Variants in DNAH3 observed in about 807,000 individuals in gnomAD.
DNAH3 encodes axonemal beta dynein heavy chain 3.
Under a neutral mutation model 432.5 loss-of-function variants are expected in DNAH3, and 332 were observed. That is an observed-to-expected ratio of 0.77 (90% CI 0.70 to 0.84). DNAH3 has a LOEUF of 0.84. Among genes scored for constraint, DNAH3 ranks in the 40% least tolerant of loss-of-function variants. DNAH3 has a pLI of 0.00. For missense variants in DNAH3, 4,861 were observed against 5,114.0 expected (o/e 0.95, Z 1.51); for synonymous variants, 1,956 against 1,900.2 (o/e 1.03, Z -0.76).
At chr16:20,988,312 G>T (rs942524146) in intron 44 of DNAH3, among the ~76,000 whole-genome samples, 1 of 152,240 alleles carries the variant, frequency 6.6e-6, no homozygotes, top group Non-Finnish European at 1.5e-5. Flanking sequence ...CATGTGGCTA[G>T]TGGCTACCGT....
At chr16:21,031,018 A>G in intron 37 of DNAH3, 27 bp downstream of exon 37, 1 of 1,611,164 alleles carries the variant, frequency 6.2e-7, no homozygotes, top group Non-Finnish European at 8.5e-7. Context: ...TCACTCATGG[A>G]AAAGTCATAT....
At chr16:21,009,795 G>C (rs1053771112) in intron 41 of DNAH3, among the ~76,000 whole-genome samples, 3 of 151,922 alleles carry the variant, frequency 2.0e-5, no homozygotes, top group African/African-American at 4.8e-5. Context: ...GGATCACCTG[G>C]GCCTGGGGCA....
At chr16:21,048,565 C>T (rs143288316) in intron 31 of DNAH3, among the ~76,000 whole-genome samples, 6 of 152,204 alleles carry the variant, frequency 3.9e-5, no homozygotes, top group Non-Finnish European at 5.9e-5. Flanking sequence ...CACTGACCTG[C>T]GCCCACTGTC....
chr16:20,933,925 T>C (rs1253673252), intron 61 of DNAH3, among the ~76,000 whole-genome samples: 1 of 152,218 alleles, frequency 6.6e-6, no homozygotes. Flanking sequence ...TTTTGTGGTA[T>C]AAAGACTTCC....
chr16:21,112,015 T>C (rs1223335185), exon 13 of DNAH3: 1 of 1,613,764 alleles, frequency 6.2e-7, no homozygotes, highest in Non-Finnish European at 8.5e-7. Flanking sequence ...ATCAATGTCA[T>C]GATTTTCTTT....
intron 35 of DNAH3, among the ~76,000 whole-genome samples, chr16:21,035,475 G>A (rs2152727442): frequency 6.6e-6 from 1 of 152,192 alleles, no homozygotes; most frequent in Non-Finnish European, 1.5e-5. Flanking sequence ...TTGGTACTAA[G>A]CTACATGAAA....
chr16:21,081,831 A>G lies in DNAH3; in HGVS notation c.2878-104T>C, dbSNP rs2091199568. 2.3e-5 allele frequency: 19 copies of G among 838,932 alleles called. No homozygotes were observed. In the South Asian group the frequency reaches 3.3e-4, roughly 15 times the overall value. The allele number at this position is 838,932 out of a possible 1,614,324, so 52.0% of individuals were successfully genotyped here. A position where few individuals can be genotyped will look rare whatever the true frequency, so the allele number is the denominator to read the frequency against. ...GTTCTTTTTATCTGCACTGCTCAGCATAACAGCCACGAGTGGCAGGTGGCT... is the reference window on the plus strand; with the variant it reads ...GTTCTTTTTATCTGCACTGCTCAGCGTAACAGCCACGAGTGGCAGGTGGCT... On this transcript the variant is annotated intron_variant, in intron 19 of 61. Coordinates refer to ENST00000261383, the Ensembl canonical transcript of DNAH3.
At chr16:21,138,396 T>C (rs2092672802) in intron 5 of DNAH3, among the ~76,000 whole-genome samples, 1 of 151,756 alleles carries the variant, frequency 6.6e-6, no homozygotes, top group African/African-American at 2.4e-5. Flanking sequence ...AGGGTGGGGG[T>C]AAAAAGTGCT....
intron 21 of DNAH3, among the ~76,000 whole-genome samples, chr16:21,074,494 A>G (rs1275280928): frequency 6.6e-6 from 1 of 152,064 alleles, no homozygotes; most frequent in Non-Finnish European, 1.5e-5. Context: ...TGGGCAGATC[A>G]CTTGAGGTCA....
At chr16:21,071,943 C>T (rs1406317170) in intron 21 of DNAH3, among the ~76,000 whole-genome samples, 1 of 152,134 alleles carries the variant, frequency 6.6e-6, no homozygotes, top group African/African-American at 2.4e-5. Context: ...GGTTTCCACA[C>T]TGTGAACTGA....
At chr16:20,944,414 G>A in intron 58 of DNAH3, 82 bp downstream of exon 58, 16 of 1,524,606 alleles carry the variant, frequency 1.0e-5, no homozygotes, top group Non-Finnish European at 1.3e-5. Context: ...CTGCCTCTTG[G>A]TCACCCTCCA....
chr16:21,117,443 G>A (rs2092231511), intron 11 of DNAH3, 104 bp from the exon 12 acceptor site: 2 of 692,862 alleles, frequency 2.9e-6, no homozygotes, highest in Non-Finnish European at 5.1e-6. Context: ...GCTGCCAGCT[G>A]CATTTTTACT....
At chr16:21,042,396 C>T (rs1016412314) in intron 31 of DNAH3, among the ~76,000 whole-genome samples, 193 bp from the exon 32 acceptor site, 8 of 151,646 alleles carry the variant, frequency 5.3e-5, no homozygotes, top group Admixed American at 2.0e-4. Context: ...TGTGCATGTG[C>T]GTGTGTGTGT....
At position 21,145,530 on chromosome 16, in the gene DNAH3, A is replaced by G. The variant is rs1597487628; in HGVS notation, c.223-124T>C. Reference sequence around the variant, plus strand: ...TATGCTATGTTTCTGCCTTCTGCACATTCAGTGGAAAGATTGTCTGAACAG... The same window carrying G: ...TATGCTATGTTTCTGCCTTCTGCACGTTCAGTGGAAAGATTGTCTGAACAG... On this transcript the variant is annotated intron_variant, in intron 2 of 61. Coordinates refer to ENST00000261383, the Ensembl canonical transcript of DNAH3. 3 of 766,878 alleles carry G rather than the reference A, an allele frequency of 3.9e-6. No homozygotes were observed. In the East Asian group the frequency reaches 8.0e-5, roughly 20 times the overall value. The allele number at this position is 766,878 out of a possible 1,614,324, so 47.5% of individuals were successfully genotyped here.
chr16:20,935,576 G>A lies in DNAH3; in HGVS notation c.11860-91C>T, dbSNP rs2083557399. On this transcript the variant is annotated intron_variant, in intron 60 of 61. Transcript: ENST00000261383. Reference sequence around the variant, plus strand: ...ATGTAACGAGTACCATATAAAATATGTTTTTTCATATTTTTCTTGAAACAG... The same window carrying A: ...ATGTAACGAGTACCATATAAAATATATTTTTTCATATTTTTCTTGAAACAG... 2.1e-6 allele frequency: 3 copies of A among 1,422,402 alleles called. No homozygotes were observed. In the Admixed American group the frequency reaches 8.2e-5, roughly 39 times the overall value. The allele number at this position is 1,422,402 out of a possible 1,614,324, so 88.1% of individuals were successfully genotyped here.
chr16:21,151,184 G>C (rs931553390), intron 1 of DNAH3, among the ~76,000 whole-genome samples: 2 of 152,158 alleles, frequency 1.3e-5, no homozygotes, highest in African/African-American at 4.8e-5. Flanking sequence ...ATCTCTCCAA[G>C]TGTCCTTTCC....
At chr16:20,935,836 T>C (rs1453054324) in intron 60 of DNAH3, among the ~76,000 whole-genome samples, 1 of 147,992 alleles carries the variant, frequency 6.8e-6, no homozygotes, top group Non-Finnish European at 1.5e-5. Context: ...AGAGTGAAAC[T>C]TCATCTCAAA....
chr16:21,156,204 A>T (rs545416049), intron 1 of DNAH3, among the ~76,000 whole-genome samples: 30 of 133,152 alleles, frequency 2.3e-4, no homozygotes, highest in East Asian at 1.2e-3. Flanking sequence ...TATTTTATTT[A>T]TTTTATTTTA....
Position 21,026,876 on chromosome 16 carries a change from G to A in DNAH3, c.5540+151C>T. 4 of 580,270 alleles carry A rather than the reference G, an allele frequency of 6.9e-6. No individual in the cohort carries two copies. In the South Asian group the frequency reaches 8.2e-5, roughly 12 times the overall value. 35.9% of individuals were successfully genotyped at this position (580,270 alleles called of 1,614,324 possible). On this transcript the variant is annotated intron_variant, in intron 38 of 61. Transcript: ENST00000261383. ...AACAAAGCTGCACATATACCCCCTG[G>A]AACCTAAAATAAAAATTGGAAAGAA...
Sources: allele counts gnomAD v4.1 joint callset (sites outside exome capture counted in the v4.1 genomes callset), GRCh38; gene constraint gnomAD v4.1.1; transcripts MANE v1.5; gene names NCBI Gene and HGNC (gene_info 2026-07-23, HGNC 2026-07-21).